Variants in FOLH1 observed in about 807,000 individuals in gnomAD.
The protein encoded by FOLH1 is glutamate carboxypeptidase 2.
Under a neutral mutation model 93.9 loss-of-function variants are expected in FOLH1, and 54 were observed. That is an observed-to-expected ratio of 0.57 (90% CI 0.46 to 0.72). FOLH1 has a LOEUF of 0.72. Ranked by LOEUF, FOLH1 falls within the 30% of genes least tolerant of loss-of-function variation. FOLH1 has a pLI of 0.00. For synonymous variants in FOLH1, 249 were observed against 303.6 expected, an observed-to-expected ratio of 0.82 and a Z score of 1.87; for missense variants, 571 against 892.5, an observed-to-expected ratio of 0.64 and a Z score of 4.59.
chr11:49,157,472 C>CA lies in FOLH1; in HGVS notation c.1532+479dup, dbSNP rs1413339038. On this transcript the variant is annotated intron_variant, in intron 14 of 18. Coordinates refer to ENST00000256999, the MANE Select transcript of FOLH1 (RefSeq NM_004476.3). Reference sequence around the variant, plus strand: ...AAAATAAATACACCTACTACATACTCACAAAAATTAAAGATTAGAACATTT... The same window carrying CA: ...AAAATAAATACACCTACTACATACTCAACAAAAATTAAAGATTAGAACATTT... Among the ~76,000 whole-genome samples, 3 of 152,080 alleles carry CA rather than the reference C, an allele frequency of 2.0e-5. No homozygotes were observed. The East Asian group carries it at 5.8e-4, about 29-fold the overall frequency.
intron 4 of FOLH1, among the ~76,000 whole-genome samples, chr11:49,191,866 TA>T: frequency 6.6e-6 from 1 of 152,186 alleles, no homozygotes. Context: ...TCTGGCTAAT[TA>T]TTTTGTATTT....
chr11:49,176,127 A>G (rs1423117734), intron 7 of FOLH1, among the ~76,000 whole-genome samples, 170 bp from the exon 8 acceptor site: 1 of 152,190 alleles, frequency 6.6e-6, no homozygotes, highest in Non-Finnish European at 1.5e-5. Context: ...AGGAATTGCT[A>G]CCTCCACTTC....
chr11:49,176,882 T>C (rs2135122684), intron 7 of FOLH1, among the ~76,000 whole-genome samples: 1 of 151,986 alleles, frequency 6.6e-6, no homozygotes, highest in African/African-American at 2.4e-5. Context: ...AAAATAAATG[T>C]CATTATCTGA....
intron 9 of FOLH1, 100 bp from the exon 10 acceptor site, chr11:49,173,576 A>AT: frequency 1.5e-6 from 1 of 652,524 alleles, no homozygotes; most frequent in Non-Finnish European, 1.9e-6. Context: ...CTCACGCCTC[A>AT]GAAAAAAAAA....
intron 3 of FOLH1, among the ~76,000 whole-genome samples, chr11:49,194,046 G>A (rs563041609): frequency 6.6e-6 from 1 of 150,790 alleles, no homozygotes; most frequent in African/African-American, 2.4e-5. Context: ...CAGCTACTCA[G>A]GAGGCTGAGA....
intron 1 of FOLH1, chr11:49,206,885 T>TA (rs1313345232): frequency 9.3e-7 from 1 of 1,076,272 alleles, no homozygotes; most frequent in African/African-American, 1.6e-5. Context: ...CTGAAGGAGA[T>TA]AAGGCAAGAT....
At chr11:49,186,839 T>C (rs1474700214) in intron 4 of FOLH1, 70 bp from the exon 5 acceptor site, 1 of 1,489,402 alleles carries the variant, frequency 6.7e-7, no homozygotes, top group Non-Finnish European at 8.9e-7. Flanking sequence ...ATGGGGACTG[T>C]TGGACATTTT....
intron 7 of FOLH1, among the ~76,000 whole-genome samples, chr11:49,181,169 G>A (rs1194260519): frequency 6.7e-6 from 1 of 149,732 alleles, no homozygotes; most frequent in Non-Finnish European, 1.5e-5. Context: ...ATGCAGTGGC[G>A]CGATCTCGGC....
chr11:49,206,146 C>G lies in FOLH1; in HGVS notation c.145G>C (p.Ala49Pro), dbSNP rs780613989. 6.2e-7 allele frequency: 1 copy of G among 1,612,114 alleles called. No homozygotes were observed. Among genetic ancestry groups the G allele is most frequent in the African/African-American group, 1.3e-5 (1 of 74,850 alleles). ...TTATGCTTTGGAGTAATGTTAGTAG[C>G]TTCATTGGAGGATTTTATAAACCAC... ...FGWFIKSSNE[A>P]TNITPKHNMK... Residue 49 changes from alanine (A) to proline (P), a missense_variant, in exon 2 of 19, where the codon GCT becomes CCT. Physicochemically the swap from Ala to Pro is conservative, Grantham distance 27. Transcript: ENST00000256999.
At chr11:49,159,230 A>G (rs1857367201) in intron 13 of FOLH1, among the ~76,000 whole-genome samples, 1 of 152,164 alleles carries the variant, frequency 6.6e-6, no homozygotes, top group Admixed American at 6.5e-5. Flanking sequence ...GACTGCTTGT[A>G]GCTTTGGCCC....
chr11:49,207,417 G>C (rs1173676219), intron 1 of FOLH1, among the ~76,000 whole-genome samples: 1 of 152,202 alleles, frequency 6.6e-6, no homozygotes, highest in Non-Finnish European at 1.5e-5. Flanking sequence ...GGAAGATATT[G>C]AATTTGTTTA....
At chr11:49,185,024 T>C (rs1454682758) in intron 6 of FOLH1, among the ~76,000 whole-genome samples, 1 of 152,144 alleles carries the variant, frequency 6.6e-6, no homozygotes, top group Non-Finnish European at 1.5e-5. Context: ...AGCTTTAGGG[T>C]TGTTAATGCA....
intron 4 of FOLH1, among the ~76,000 whole-genome samples, chr11:49,186,976 G>T (rs1861459020): frequency 2.0e-5 from 3 of 152,132 alleles, no homozygotes; most frequent in Admixed American, 2.0e-4. Flanking sequence ...CATGAATAAA[G>T]TAATATTTGT....
At chr11:49,181,122 T>C (rs1206298653) in intron 7 of FOLH1, among the ~76,000 whole-genome samples, 1 of 151,666 alleles carries the variant, frequency 6.6e-6, no homozygotes. Flanking sequence ...TTTTTTTTTT[T>C]TTTGAGACGG....
Position 49,146,777 on chromosome 11 carries a change from C to G in FOLH1, c.2232G>C (p.Glu744Asp). ...CCTCTTAGGCTACTTCACTCAAAGT[C>G]TCTGCAGCTGCCTGCACTGTGAAGG... ...VAAFTVQAAAETLSEVA is the reference protein window; with the variant it reads ...VAAFTVQAAADTLSEVA The change falls in exon 19 of 19, where the codon GAG becomes GAC. Residue 744 changes from glutamate (E) to aspartate (D), a missense_variant. Around this residue, in one of 2 missense-constraint regions of FOLH1, gnomAD observed 500 missense variants for 822.9 expected, o/e 0.61. Transcript: ENST00000256999. The G allele has an allele frequency of 6.2e-7, 1 of 1,611,680 alleles. No individual in the cohort carries two copies. Among genetic ancestry groups the G allele is most frequent in the Non-Finnish European group, 8.5e-7 (1 of 1,178,786 alleles).
intron 11 of FOLH1, among the ~76,000 whole-genome samples, chr11:49,170,152 A>G (rs574830317): frequency 2.0e-5 from 3 of 152,352 alleles, no homozygotes; most frequent in East Asian, 3.9e-4. Context: ...TTGACTTTGC[A>G]TATATTTACT....
At chr11:49,148,615 A>C (rs1240288538) in intron 18 of FOLH1, 24 bp downstream of exon 18, 2 of 1,477,418 alleles carry the variant, frequency 1.4e-6, no homozygotes, top group Non-Finnish European at 1.8e-6. Flanking sequence ...TATTACAGAA[A>C]GGAGTCATAT....
intron 17 of FOLH1, among the ~76,000 whole-genome samples, chr11:49,152,575 C>T (rs1266350476): frequency 6.6e-6 from 1 of 152,110 alleles, no homozygotes; most frequent in Non-Finnish European, 1.5e-5. Context: ...GCAGGTGTAT[C>T]TTTGACAACA....
chr11:49,158,004 A>G lies in FOLH1; in HGVS notation c.1480T>C (p.Tyr494His). The G allele has an allele frequency of 3.1e-6, 5 of 1,599,126 alleles. No individual in the cohort carries two copies. The highest frequency in any genetic ancestry group is 4.3e-6 in the Non-Finnish European group (5 of 1,171,460). ...GGACTTTTTTTAGTCCAACTTTCAT[A>G]AAGAGATTTGCCTTCAAAGCCTTCA... The part of the protein sequence containing the change: ...PDEGFEGKSL[Y>H]ESWTKKSPSP... The change falls in exon 14 of 19, where the codon TAT (tyrosine) becomes CAT (histidine). Residue 494 changes from tyrosine (Y) to histidine (H), a missense_variant. Around this residue, in one of 2 missense-constraint regions of FOLH1, gnomAD observed 500 missense variants for 822.9 expected, o/e 0.61. Coordinates refer to ENST00000256999, the MANE Select transcript of FOLH1 (RefSeq NM_004476.3).
Sources: allele counts gnomAD v4.1 joint callset (sites outside exome capture counted in the v4.1 genomes callset), GRCh38; gene constraint gnomAD v4.1.1; regional missense constraint gnomAD v4.1.1; transcripts MANE v1.5; gene names NCBI Gene and HGNC (gene_info 2026-07-23, HGNC 2026-07-21).